Variants in UMAD1 observed in about 807,000 individuals in gnomAD.
UMAD1 encodes the protein UBAP1-MVB12-associated (UMA)-domain containing protein 1.
Under a neutral mutation model 6.1 loss-of-function variants are expected in UMAD1, and 8 were observed. The ratio of observed to expected loss-of-function variants is 1.30; its 90% CI spans 0.76 to 2.35. UMAD1 has a LOEUF of 2.35. Among genes scored for constraint, UMAD1 ranks in the 30% most tolerant of loss-of-function variants. The probability of loss-of-function intolerance (pLI) is 0.00; values close to 1 mark genes in which losing one functional copy is unlikely to be tolerated. For missense variants in UMAD1, 130 were observed against 78.4 expected (o/e 1.66, Z -2.49); for synonymous variants, 56 against 31.4 (o/e 1.78, Z -2.61).
At chr7:7,739,974 G>A (rs752815145) in intron 2 of UMAD1, among the ~76,000 whole-genome samples, 5 of 152,208 alleles carry the variant, frequency 3.3e-5, no homozygotes, top group Non-Finnish European at 7.4e-5. Flanking sequence ...AAAATAGGAA[G>A]GCAGCTTAAA....
chr7:7,841,329 T>TTC (rs1783676773), intron 3 of UMAD1, among the ~76,000 whole-genome samples: 1 of 151,812 alleles, frequency 6.6e-6, no homozygotes, highest in African/African-American at 2.4e-5. Context: ...TTTTTTTTTT[T>TTC]TTTGAGGCCA....
intron 2 of UMAD1, among the ~76,000 whole-genome samples, chr7:7,724,474 G>A (rs1008802117): frequency 6.6e-6 from 1 of 152,152 alleles, no homozygotes; most frequent in Non-Finnish European, 1.5e-5. Flanking sequence ...GGTGGGAAAT[G>A]GAAGCTATTA....
At chr7:7,715,092 T>C (rs1780864332) in intron 2 of UMAD1, 1 of 152,196 alleles carries the variant, frequency 6.6e-6, no homozygotes, top group Admixed American at 6.5e-5. Context: ...TTTAGTGTTT[T>C]ACGAGATGAA....
intron 1 of UMAD1, among the ~76,000 whole-genome samples, chr7:7,662,278 C>T (rs1450142336): frequency 6.6e-6 from 1 of 152,170 alleles, no homozygotes; most frequent in African/African-American, 2.4e-5. Flanking sequence ...AGCTAGACCA[C>T]TTGGCTCCCT....
chr7:7,856,469 G>A (rs1416856955), intron 3 of UMAD1, among the ~76,000 whole-genome samples: 1 of 152,098 alleles, frequency 6.6e-6, no homozygotes, highest in African/African-American at 2.4e-5. Flanking sequence ...ACAGCATGGG[G>A]AAAACCACCC....
chr7:7,844,637 C>T (rs1319628921), intron 3 of UMAD1, among the ~76,000 whole-genome samples: 1 of 152,040 alleles, frequency 6.6e-6, no homozygotes, highest in Non-Finnish European at 1.5e-5. Flanking sequence ...ATCTTTTTTC[C>T]ATTTTAGTTC....
chr7:7,833,827 G>A (rs369835360), intron 3 of UMAD1, among the ~76,000 whole-genome samples: 1 of 151,994 alleles, frequency 6.6e-6, no homozygotes. Flanking sequence ...GGTTTTATTT[G>A]AAATACTTGA....
At chr7:7,836,112 T>G (rs1474608743) in intron 3 of UMAD1, among the ~76,000 whole-genome samples, 1 of 152,082 alleles carries the variant, frequency 6.6e-6, no homozygotes. Flanking sequence ...CTTAATAGGT[T>G]TTCTTAGCTA....
At chr7:7,648,439 G>A (rs1785147415) in intron 1 of UMAD1, among the ~76,000 whole-genome samples, 1 of 152,086 alleles carries the variant, frequency 6.6e-6, no homozygotes, top group African/African-American at 2.4e-5. Context: ...TATAGCTGGC[G>A]ATTCATTTTT....
At chr7:7,671,040 CT>C (rs1779593005) in intron 1 of UMAD1, among the ~76,000 whole-genome samples, 1 of 152,132 alleles carries the variant, frequency 6.6e-6, no homozygotes, top group East Asian at 1.9e-4. Context: ...TCCTTGGGGG[CT>C]GAACAGTTTT....
intron 2 of UMAD1, among the ~76,000 whole-genome samples, chr7:7,760,194 A>C (rs531038346): frequency 6.6e-6 from 1 of 152,046 alleles, no homozygotes; most frequent in African/African-American, 2.4e-5. Context: ...GCTGAACCCA[A>C]CTTTCTAGCC....
At chr7:7,651,872 C>G (rs1785229477) in intron 1 of UMAD1, among the ~76,000 whole-genome samples, 1 of 152,186 alleles carries the variant, frequency 6.6e-6, no homozygotes, top group Non-Finnish European at 1.5e-5. Flanking sequence ...CTTTCTTCTG[C>G]TCAGAGTTTT....
At position 7,840,856 on chromosome 7, in the gene UMAD1, C is replaced by A. The variant is rs1055824106; in HGVS notation, c.157-36425C>A. Among the ~76,000 whole-genome samples the A allele has an allele frequency of 3.3e-5, 5 of 152,250 alleles. No homozygotes were observed. The East Asian group carries it at 9.6e-4, about 29-fold the overall frequency. On this transcript the variant is annotated intron_variant, in intron 3 of 3. Transcript: ENST00000682710. ...AGAAGTTAGCAATATTCTGAATTGA[C>A]GTTCTACAGTTGTTGTGAAGCTTGG...
At chr7:7,692,281 A>G (rs1780191108) in intron 2 of UMAD1, 1 of 152,258 alleles carries the variant, frequency 6.6e-6, no homozygotes, top group African/African-American at 2.4e-5. Context: ...GGGCAGGAAT[A>G]GAGACAAAAA....
intron 2 of UMAD1, among the ~76,000 whole-genome samples, chr7:7,721,228 G>A (rs561645947): frequency 2.0e-5 from 3 of 152,290 alleles, no homozygotes; most frequent in Non-Finnish European, 4.4e-5. Flanking sequence ...GTTGTGTTAA[G>A]CCACCACGTT....
chr7:7,762,514 C>G (rs920060056), intron 2 of UMAD1, among the ~76,000 whole-genome samples: 5 of 152,148 alleles, frequency 3.3e-5, no homozygotes, highest in Non-Finnish European at 7.3e-5. Context: ...CTTCTGATAA[C>G]TTAACATTGA....
intron 3 of UMAD1, among the ~76,000 whole-genome samples, chr7:7,857,777 A>C (rs1355876183): frequency 6.6e-6 from 1 of 152,214 alleles, no homozygotes; most frequent in Non-Finnish European, 1.5e-5. Context: ...TACAACAGCC[A>C]ACAATGTTTT....
At chr7:7,679,736 A>ACG (rs1267951305) in intron 2 of UMAD1, among the ~76,000 whole-genome samples, 4 of 146,486 alleles carry the variant, frequency 2.7e-5, no homozygotes, top group Non-Finnish European at 6.0e-5. Flanking sequence ...ATATATACAC[A>ACG]CACACATATT....
intron 2 of UMAD1, among the ~76,000 whole-genome samples, chr7:7,680,729 A>G (rs2115120890): frequency 6.6e-6 from 1 of 151,842 alleles, no homozygotes; most frequent in South Asian, 2.1e-4. Context: ...TTTCATCAGT[A>G]TTTTATAATT....
Sources: allele counts gnomAD v4.1 joint callset (sites outside exome capture counted in the v4.1 genomes callset), GRCh38; gene constraint gnomAD v4.1.1; transcripts MANE v1.5; gene names NCBI Gene and HGNC (gene_info 2026-07-23, HGNC 2026-07-21).